Variants in SNRPN observed in about 807,000 individuals in gnomAD.
SNRPN encodes the protein small nuclear ribonucleoprotein polypeptide N, also known as small nuclear ribonucleoprotein-associated protein N.
Under a neutral mutation model 25.2 loss-of-function variants are expected in SNRPN, and 7 were observed. The observed-to-expected ratio is 0.28, with a 90% CI of 0.16 to 0.52. The LOEUF is 0.52. Ranked by LOEUF, SNRPN falls within the 20% of genes least tolerant of loss-of-function variation. The pLI is 0.96. For synonymous variants in SNRPN, 124 were observed against 110.6 expected (o/e 1.12, Z -0.76); for missense variants, 196 against 322.5 (o/e 0.61, Z 3.00).
intron 2 of SNRPN, among the ~76,000 whole-genome samples, chr15:24,842,510 C>G (rs951346426): frequency 1.3e-5 from 2 of 152,164 alleles, no homozygotes; most frequent in Non-Finnish European, 2.9e-5. Context: ...TGCAAATGCC[C>G]CCCTTTCACA....
intron 1 of SNRPN, among the ~76,000 whole-genome samples, chr15:24,883,028 G>A (rs1372319064): frequency 6.6e-6 from 1 of 152,042 alleles, no homozygotes; most frequent in Non-Finnish European, 1.5e-5. Flanking sequence ...AATACTGGAA[G>A]TGAAAAACAA....
chr15:24,832,563 G>A (rs1486756731), intron 2 of SNRPN, among the ~76,000 whole-genome samples: 1 of 152,038 alleles, frequency 6.6e-6, no homozygotes, highest in East Asian at 1.9e-4. Context: ...GAACATGGGT[G>A]GGGACAATAA....
rs923099178 is a variant in SNRPN, at chr15:24,863,873, G to C, written c.-579+7157G>C. Among the ~76,000 whole-genome samples the C allele has an allele frequency of 3.3e-5, 5 of 150,520 alleles. 1 individual carries two copies. In the East Asian group the frequency reaches 9.8e-4, roughly 29 times the overall value. On this transcript the variant is annotated intron_variant, in intron 1 of 11. Coordinates refer to the SNRPN transcript ENST00000400097. ...TTCCAGTTACTTTATCTTTTACTTA[G>C]CTTTCACTTTATTTACAGTACTCTC...
At chr15:24,855,912 A>G (rs1191038829), upstream of SNRPN, among the ~76,000 whole-genome samples, 3 of 151,398 alleles carry the variant, frequency 2.0e-5, no homozygotes, top group Non-Finnish European at 4.4e-5. Context: ...GAATGATTTT[A>G]TGTGTAATGT....
At chr15:24,831,764 T>C (rs892242565) in intron 2 of SNRPN, among the ~76,000 whole-genome samples, 1 of 152,102 alleles carries the variant, frequency 6.6e-6, no homozygotes, top group Non-Finnish European at 1.5e-5. Flanking sequence ...TTTAACATAT[T>C]GTCATGCAGA....
At chr15:24,938,948 C>T (rs535862008) in intron 3 of SNRPN, among the ~76,000 whole-genome samples, 35 of 152,078 alleles carry the variant, frequency 2.3e-4, no homozygotes, top group Non-Finnish European at 3.7e-4. Context: ...TTATTATATT[C>T]GAGAATTAGC....
Position 24,917,701 on chromosome 15 carries a change from T to C in SNRPN, c.-504-2310T>C, listed in dbSNP as rs141228380. 3.5e-3 allele frequency among the ~76,000 whole-genome samples: 532 copies of C among 152,380 alleles called. 6 individuals are homozygous for C. The highest frequency in any genetic ancestry group is 0.012 in the African/African-American group (515 of 41,594). ...CGCAGTGAGGATGTTGGTGCTGCTC[T>C]TCAGGGTTTTCTTTCCGCAGCCACG... On this transcript the variant is annotated intron_variant, in intron 2 of 11. Coordinates refer to the SNRPN transcript ENST00000400097.
At chr15:24,879,889 A>C (rs117048188) in intron 1 of SNRPN, among the ~76,000 whole-genome samples, 2 of 152,148 alleles carry the variant, frequency 1.3e-5, no homozygotes, top group Non-Finnish European at 2.9e-5. Flanking sequence ...TGTTGGGGCA[A>C]TTCAGTCTTT....
intron 1 of SNRPN, among the ~76,000 whole-genome samples, chr15:24,825,654 T>C (rs2050030528): frequency 6.6e-6 from 1 of 152,130 alleles, no homozygotes; most frequent in South Asian, 2.1e-4. Flanking sequence ...CATCATACTT[T>C]AGTCTAGCCT....
upstream of SNRPN, among the ~76,000 whole-genome samples, chr15:24,953,899 A>C (rs537187583): frequency 2.0e-5 from 3 of 152,208 alleles, no homozygotes; most frequent in Non-Finnish European, 4.4e-5. Flanking sequence ...GTCAGCATTG[A>C]TAAGCCTCTG....
upstream of SNRPN, among the ~76,000 whole-genome samples, chr15:24,952,782 A>C (rs989896676): frequency 6.6e-6 from 1 of 152,192 alleles, no homozygotes; most frequent in Non-Finnish European, 1.5e-5. Context: ...TAATCACTGC[A>C]AAAAGTACCA....
intron 1 of SNRPN, among the ~76,000 whole-genome samples, chr15:24,864,357 T>C (rs1336873962): frequency 6.7e-6 from 1 of 149,840 alleles, no homozygotes; most frequent in Admixed American, 6.7e-5. Context: ...TTTTTTTTTT[T>C]TTTTTGGTGG....
At chr15:24,973,622 A>G (rs1017100659) in intron 3 of SNRPN, among the ~76,000 whole-genome samples, 1 of 151,762 alleles carries the variant, frequency 6.6e-6, no homozygotes, top group African/African-American at 2.4e-5. Flanking sequence ...CTGGTCTCGA[A>G]CTCTTGACCT....
At chr15:24,973,761 CTA>C (rs141531099) in intron 3 of SNRPN, among the ~76,000 whole-genome samples, 1 of 151,608 alleles carries the variant, frequency 6.6e-6, no homozygotes, top group Non-Finnish European at 1.5e-5. Flanking sequence ...TTATGTGAGT[CTA>C]TATATATATA....
chr15:24,875,245 G>C (rs1042329361), intron 1 of SNRPN, among the ~76,000 whole-genome samples: 1 of 152,148 alleles, frequency 6.6e-6, no homozygotes, highest in African/African-American at 2.4e-5. Flanking sequence ...CCACTCCCAA[G>C]TTCCAGTTGT....
chr15:24,840,987 G>A (rs1283730410), intron 2 of SNRPN, among the ~76,000 whole-genome samples: 2 of 151,872 alleles, frequency 1.3e-5, no homozygotes, highest in Non-Finnish European at 2.9e-5. Context: ...GATTATAGGC[G>A]CCCACCACCA....
intron 2 of SNRPN, chr15:24,910,905 A>G (rs1481933474): frequency 2.8e-6 from 2 of 702,652 alleles, no homozygotes; most frequent in East Asian, 2.6e-5. Flanking sequence ...CCATCCTTCC[A>G]TAAGCCTTGC....
intron 3 of SNRPN, among the ~76,000 whole-genome samples, chr15:24,944,289 T>A (rs2061745952): frequency 6.6e-6 from 1 of 152,236 alleles, no homozygotes; most frequent in Non-Finnish European, 1.5e-5. Context: ...TGAGCTAATT[T>A]TCCCCCTACT....
chr15:24,868,136 T>TAC (rs201794537), intron 1 of SNRPN, among the ~76,000 whole-genome samples: 7 of 151,102 alleles, frequency 4.6e-5, no homozygotes, highest in African/African-American at 1.5e-4. Flanking sequence ...TATATATATA[T>TAC]ACACACACAC....
Sources: allele counts gnomAD v4.1 joint callset (sites outside exome capture counted in the v4.1 genomes callset), GRCh38; gene constraint gnomAD v4.1.1; transcripts MANE v1.5; gene names NCBI Gene and HGNC (gene_info 2026-07-23, HGNC 2026-07-21).